Variants in TBX20 observed in about 807,000 individuals in gnomAD.
TBX20 encodes T-box transcription factor 20.
In TBX20, 8 loss-of-function variants were observed where a neutral mutation model predicts 42.9. The observed-to-expected ratio is 0.19, with a 90% CI of 0.11 to 0.34. TBX20 has a LOEUF of 0.34. TBX20 is among the 10% of genes least tolerant of loss of function. TBX20 has a pLI of 1.00. For missense variants in TBX20, 411 were observed against 566.0 expected, an observed-to-expected ratio of 0.73 and a Z score of 2.78; for synonymous variants, 198 against 222.8, an observed-to-expected ratio of 0.89 and a Z score of 0.99.
intron 6 of TBX20, among the ~76,000 whole-genome samples, chr7:35,227,492 T>C (rs1345949624): frequency 6.6e-6 from 1 of 152,160 alleles, no homozygotes; most frequent in African/African-American, 2.4e-5. Flanking sequence ...TTTAGGTACA[T>C]AAATACCTAC....
chr7:35,251,776 GC>G (rs1790310328), intron 1 of TBX20, among the ~76,000 whole-genome samples: 1 of 152,180 alleles, frequency 6.6e-6, no homozygotes. Flanking sequence ...TCTATAGTTT[GC>G]TTCAACAAAA....
chr7:35,247,026 A>G (rs537258531), intron 3 of TBX20, among the ~76,000 whole-genome samples: 3 of 152,170 alleles, frequency 2.0e-5, no homozygotes, highest in African/African-American at 7.2e-5. Context: ...TTCTCCAACC[A>G]GAACAGATTA....
At chr7:35,248,148 T>A (rs1374019353) in intron 3 of TBX20, among the ~76,000 whole-genome samples, 1 of 152,196 alleles carries the variant, frequency 6.6e-6, no homozygotes, top group Non-Finnish European at 1.5e-5. Context: ...TTGGCTTTAT[T>A]TTTTTACTTA....
rs553423214 is a variant in TBX20, at chr7:35,247,153, A to C, written c.545+1524T>G. On this transcript the variant is annotated intron_variant, in intron 3 of 7. Transcript: ENST00000408931. ...TAAGAGTGATTAACTTCTTAGAGGA[A>C]AGACTGGAGGGCAAAAAAAAAAAAA... Among the ~76,000 whole-genome samples, 32 of 145,128 alleles carry C rather than the reference A, an allele frequency of 2.2e-4. No individual in the cohort carries two copies. In the East Asian group the frequency reaches 4.4e-3, roughly 20 times the overall value.
intron 6 of TBX20, among the ~76,000 whole-genome samples, chr7:35,217,474 T>C (rs1253690378): frequency 6.6e-6 from 1 of 152,212 alleles, no homozygotes; most frequent in Non-Finnish European, 1.5e-5. Context: ...TGAATAACTC[T>C]ACTCCATCAG....
intron 5 of TBX20, among the ~76,000 whole-genome samples, chr7:35,237,943 G>C (rs966008554): frequency 6.6e-6 from 1 of 152,142 alleles, no homozygotes; most frequent in East Asian, 1.9e-4. Flanking sequence ...AGAGCTGAGA[G>C]AGGGTGAAGT....
At chr7:35,236,329 A>G (rs1789964552) in intron 5 of TBX20, among the ~76,000 whole-genome samples, 1 of 151,464 alleles carries the variant, frequency 6.6e-6, no homozygotes, top group African/African-American at 2.4e-5. Context: ...TGTTCTTTGT[A>G]TGTGAAAAAA....
At chr7:35,242,822 A>G (rs1406342120) in intron 4 of TBX20, among the ~76,000 whole-genome samples, 2 of 152,172 alleles carry the variant, frequency 1.3e-5, no homozygotes, top group Admixed American at 1.3e-4. Flanking sequence ...TCTTGAGAAT[A>G]TGAAAGTTTC....
intron 5 of TBX20, among the ~76,000 whole-genome samples, chr7:35,236,102 C>G (rs542440246): frequency 6.6e-6 from 1 of 152,022 alleles, no homozygotes; most frequent in Non-Finnish European, 1.5e-5. Context: ...CTCACAAAAA[C>G]CAGAGAAAGA....
intron 5 of TBX20, among the ~76,000 whole-genome samples, chr7:35,240,467 A>G (rs1278048602): frequency 6.6e-6 from 1 of 152,218 alleles, no homozygotes; most frequent in South Asian, 2.1e-4. Context: ...CAAAATATCT[A>G]AAGTATCAGC....
At chr7:35,251,756 C>T (rs927359647) in intron 1 of TBX20, among the ~76,000 whole-genome samples, 7 of 152,278 alleles carry the variant, frequency 4.6e-5, no homozygotes, top group Admixed American at 1.3e-4. Context: ...ACTGGAATCC[C>T]CCTCCCCACT....
Position 35,249,160 on chromosome 7 carries a change from C to G in TBX20, c.381-319G>C, listed in dbSNP as rs921516308. ...TTAGGGAAAATCCCATGCATTTTAACGATCAAGCACATTAAGTGTCCCAGG... is the reference window on the plus strand; with the variant it reads ...TTAGGGAAAATCCCATGCATTTTAAGGATCAAGCACATTAAGTGTCCCAGG... On this transcript the variant is annotated intron_variant, in intron 2 of 7. Coordinates refer to ENST00000408931, the MANE Select transcript of TBX20 (RefSeq NM_001077653.2). This position sits in a 1 kb window ranked among gnomAD's most constrained non-coding sequence, Gnocchi z 4.3. Among the ~76,000 whole-genome samples, 1 of 152,154 alleles carries G rather than the reference C, an allele frequency of 6.6e-6. No individual in the cohort carries two copies. The highest frequency in any genetic ancestry group is 2.4e-5 in the African/African-American group (1 of 41,440).
At chr7:35,221,771 A>G (rs1418999205) in intron 6 of TBX20, among the ~76,000 whole-genome samples, 1 of 152,206 alleles carries the variant, frequency 6.6e-6, no homozygotes. Context: ...CAATAATTGA[A>G]GAGAGTACAG....
At chr7:35,240,017 T>C (rs1280739018) in intron 5 of TBX20, among the ~76,000 whole-genome samples, 1 of 152,202 alleles carries the variant, frequency 6.6e-6, no homozygotes, top group Non-Finnish European at 1.5e-5. Context: ...CCCGAAGTGC[T>C]GGGATTACAG....
chr7:35,238,374 A>C (rs1790008253), intron 5 of TBX20, among the ~76,000 whole-genome samples: 1 of 151,718 alleles, frequency 6.6e-6, no homozygotes, highest in African/African-American at 2.4e-5. Context: ...AATTTTCACT[A>C]AAAAAAATAA....
chr7:35,206,022 G>C (rs1456660480), intron 6 of TBX20, among the ~76,000 whole-genome samples: 2 of 152,202 alleles, frequency 1.3e-5, no homozygotes, highest in East Asian at 3.8e-4. Context: ...TAGAACACAG[G>C]ATATGTATGT....
Position 35,253,757 on chromosome 7 carries a change from T to G in TBX20, c.-137A>C, listed in dbSNP as rs1584361913. The G allele has an allele frequency of 8.8e-7, 1 of 1,136,746 alleles. No homozygotes were observed. Among genetic ancestry groups the G allele is most frequent in the Non-Finnish European group, 1.2e-6 (1 of 808,918 alleles). 70.4% of individuals were successfully genotyped at this position (1,136,746 alleles called of 1,614,324 possible). A position where few individuals can be genotyped will look rare whatever the true frequency, so the allele number is the denominator to read the frequency against. On this transcript the variant is annotated 5_prime_UTR_variant, in exon 1 of 8. Transcript: ENST00000408931. ...AGCGGGGCCAGGGACTCCAGAAGTG[T>G]CAGCTCCAACGACTCCAGAGCTGCA...
chr7:35,239,109 T>C (rs908837433), intron 5 of TBX20, among the ~76,000 whole-genome samples: 2 of 151,998 alleles, frequency 1.3e-5, no homozygotes, highest in Non-Finnish European at 2.9e-5. Context: ...ACTGGTGAAA[T>C]GAAATCTACT....
chr7:35,231,469 T>A, intron 6 of TBX20, 35 bp downstream of exon 6: 1 of 1,489,880 alleles, frequency 6.7e-7, no homozygotes, highest in Non-Finnish European at 9.4e-7. Flanking sequence ...CTTGATCTTA[T>A]CTGAACAAGA....
Sources: allele counts gnomAD v4.1 joint callset (sites outside exome capture counted in the v4.1 genomes callset), GRCh38; gene constraint gnomAD v4.1.1; non-coding constraint Gnocchi (gnomAD v3.1); transcripts MANE v1.5; gene names NCBI Gene and HGNC (gene_info 2026-07-23, HGNC 2026-07-21).